Variants in CCNY observed in about 807,000 individuals in gnomAD.
CCNY encodes the protein cyclin Y.
CCNY carries 19 observed loss-of-function variants against 42.8 expected under a neutral mutation model. The ratio of observed to expected loss-of-function variants is 0.44; its 90% CI spans 0.31 to 0.65. The LOEUF (loss-of-function observed/expected upper bound fraction) is 0.65. Ranked by LOEUF, CCNY falls within the 30% of genes least tolerant of loss-of-function variation. CCNY has a pLI of 0.07. For synonymous variants in CCNY, 165 were observed against 162.7 expected, an observed-to-expected ratio of 1.01 and a Z score of -0.11; for missense variants, 370 against 437.3, an observed-to-expected ratio of 0.85 and a Z score of 1.37.
At chr10:35,391,009 A>G (rs1246655751) in intron 1 of CCNY, among the ~76,000 whole-genome samples, 2 of 152,178 alleles carry the variant, frequency 1.3e-5, no homozygotes, top group Admixed American at 6.6e-5. Context: ...CACTTACTAG[A>G]TGGATGAGAT....
intron 1 of CCNY, among the ~76,000 whole-genome samples, chr10:35,349,797 A>C (rs562114675): frequency 1.3e-4 from 20 of 152,182 alleles, no homozygotes; most frequent in South Asian, 2.1e-4. Context: ...ACAACAACAA[A>C]AAAATGTTTC....
intron 3 of CCNY, among the ~76,000 whole-genome samples, chr10:35,306,674 C>T (rs746874786): frequency 5.3e-5 from 8 of 151,956 alleles, no homozygotes. Flanking sequence ...TCCCACATGC[C>T]CTCTCCCCTT....
At chr10:35,416,151 T>TG (rs1259156975) in intron 1 of CCNY, among the ~76,000 whole-genome samples, 1 of 139,074 alleles carries the variant, frequency 7.2e-6, no homozygotes, top group Admixed American at 7.2e-5. Flanking sequence ...TCTGGAAACT[T>TG]GTGGCACCCG....
At chr10:35,378,153 T>G (rs566862676) in intron 1 of CCNY, among the ~76,000 whole-genome samples, 133 of 152,392 alleles carry the variant, frequency 8.7e-4, no homozygotes, top group African/African-American at 3.0e-3. Flanking sequence ...CATGCAAGAT[T>G]TTGTGTCATC....
At chr10:35,449,885 G>A (rs894898521) in intron 1 of CCNY, 8 of 782,238 alleles carry the variant, frequency 1.0e-5, no homozygotes, top group Admixed American at 1.2e-4. Flanking sequence ...ATGCTATCTC[G>A]CACCACTCAG....
intron 1 of CCNY, among the ~76,000 whole-genome samples, chr10:35,397,641 G>T (rs1837554299): frequency 6.6e-6 from 1 of 152,188 alleles, no homozygotes; most frequent in Non-Finnish European, 1.5e-5. Flanking sequence ...AATGAACCCT[G>T]TCCCTGGGAC....
At chr10:35,367,411 G>A (rs1351209618) in intron 1 of CCNY, among the ~76,000 whole-genome samples, 2 of 152,178 alleles carry the variant, frequency 1.3e-5, no homozygotes, top group Non-Finnish European at 2.9e-5. Flanking sequence ...TATTTTGGGT[G>A]TAAAATGAAA....
At chr10:35,257,458 T>A (rs759911008) in intron 3 of CCNY, among the ~76,000 whole-genome samples, 1 of 152,044 alleles carries the variant, frequency 6.6e-6, no homozygotes, top group Non-Finnish European at 1.5e-5. Context: ...TCATTTTTTA[T>A]CTGGGAAGGT....
At chr10:35,273,232 C>T (rs1197443360) in intron 3 of CCNY, among the ~76,000 whole-genome samples, 3 of 151,154 alleles carry the variant, frequency 2.0e-5, no homozygotes, top group African/African-American at 4.9e-5. Context: ...GATGGAGTTT[C>T]GCTCTGTCAC....
At chr10:35,455,190 A>G (rs1839002230) in intron 1 of CCNY, among the ~76,000 whole-genome samples, 1 of 152,194 alleles carries the variant, frequency 6.6e-6, no homozygotes, top group Non-Finnish European at 1.5e-5. Flanking sequence ...GCCTAGTCAC[A>G]TTGATTGACT....
At chr10:35,362,307 G>A (rs1421786477) in intron 1 of CCNY, among the ~76,000 whole-genome samples, 1 of 152,220 alleles carries the variant, frequency 6.6e-6, no homozygotes, top group Non-Finnish European at 1.5e-5. Flanking sequence ...TGGAACAGGT[G>A]ACTTTTGGCC....
intron 1 of CCNY, among the ~76,000 whole-genome samples, chr10:35,442,299 C>G (rs1208660164): frequency 6.6e-6 from 1 of 152,164 alleles, no homozygotes; most frequent in African/African-American, 2.4e-5. Flanking sequence ...ACCTTGAATG[C>G]TAAGCTTAGA....
At chr10:35,474,358 A>T (rs1839458174) in intron 1 of CCNY, among the ~76,000 whole-genome samples, 1 of 152,228 alleles carries the variant, frequency 6.6e-6, no homozygotes, top group African/African-American at 2.4e-5. Context: ...ACAGACAAAC[A>T]AAAAGACAGC....
chr10:35,285,148 T>A (rs1226313238), intron 3 of CCNY, among the ~76,000 whole-genome samples: 1 of 152,006 alleles, frequency 6.6e-6, no homozygotes, highest in Non-Finnish European at 1.5e-5. Context: ...TCCGAGTAGC[T>A]GGGGACTACA....
Position 35,571,363 on chromosome 10 carries a change from C to G in CCNY, c.*2193C>G, listed in dbSNP as rs1039946815. 4 of 152,310 alleles carry G rather than the reference C, an allele frequency of 2.6e-5. No homozygotes were observed. The highest frequency in any genetic ancestry group is 7.2e-5 in the African/African-American group (3 of 41,434). The allele number at this position is 152,310 out of a possible 1,614,324, so 9.4% of individuals were successfully genotyped here. On this transcript the variant is annotated 3_prime_UTR_variant, in exon 10 of 10. Coordinates refer to ENST00000374704, the MANE Select transcript of CCNY (RefSeq NM_145012.6). ...TTTATTGTATGTATGTACATACAGTCTGATACCTAAAATTTAAAGTGGATT... is the reference window on the plus strand; with the variant it reads ...TTTATTGTATGTATGTACATACAGTGTGATACCTAAAATTTAAAGTGGATT...
At chr10:35,357,459 A>G (rs1244527394) in intron 1 of CCNY, among the ~76,000 whole-genome samples, 2 of 152,282 alleles carry the variant, frequency 1.3e-5, no homozygotes, top group Admixed American at 6.5e-5. Flanking sequence ...ATTTTTTTGT[A>G]TGTGTGTTTC....
At chr10:35,354,141 GGAGAGACCAA>G (rs1380940001) in intron 1 of CCNY, among the ~76,000 whole-genome samples, 1 of 152,058 alleles carries the variant, frequency 6.6e-6, no homozygotes, top group Non-Finnish European at 1.5e-5. Flanking sequence ...AGAGAGAGCA[GGAGAGACCAA>G]GAGAGACCCA....
intron 1 of CCNY, among the ~76,000 whole-genome samples, chr10:35,426,235 T>TCACA (rs148127192): frequency 5.0e-4 from 70 of 140,926 alleles, no homozygotes; most frequent in African/African-American, 1.3e-3. Context: ...ACATGCCCAT[T>TCACA]CACACACACA....
At chr10:35,300,030 C>T (rs1038763194) in intron 3 of CCNY, among the ~76,000 whole-genome samples, 5 of 152,192 alleles carry the variant, frequency 3.3e-5, no homozygotes, top group African/African-American at 9.7e-5. Context: ...AGTATCCTTT[C>T]GAGGTCTTTA....
Sources: gnomAD v4.1 joint callset for allele counts (sites outside exome capture counted in the v4.1 genomes callset) on GRCh38, gnomAD v4.1.1 for gene constraint, MANE v1.5 for transcripts, NCBI Gene and HGNC (gene_info 2026-07-23, HGNC 2026-07-21) for gene names.